MTMR7: variants seen among roughly 807,000 people sequenced by gnomAD.
MTMR7 encodes myotubularin related protein 7.
MTMR7 carries 76 observed loss-of-function variants against 81.2 expected under a neutral mutation model. The observed-to-expected ratio is 0.94, with a 90% CI of 0.78 to 1.13. The LOEUF is 1.13. MTMR7 is among the 50% of genes most tolerant of loss of function. The probability of loss-of-function intolerance (pLI) is 0.00; values close to 1 mark genes in which losing one functional copy is unlikely to be tolerated. For synonymous variants in MTMR7, 372 were observed against 289.8 expected (o/e 1.28, Z -2.88); for missense variants, 1,044 against 820.0 (o/e 1.27, Z -3.34).
At chr8:17,331,824 A>C (rs545116836) in intron 6 of MTMR7, among the ~76,000 whole-genome samples, 1 of 152,320 alleles carries the variant, frequency 6.6e-6, no homozygotes, top group African/African-American at 2.4e-5. Context: ...AATAAAATGA[A>C]GAGAGGGAAT....
At chr8:17,393,326 G>A (rs1015415769) in intron 1 of MTMR7, among the ~76,000 whole-genome samples, 5 of 152,004 alleles carry the variant, frequency 3.3e-5, no homozygotes, top group African/African-American at 1.2e-4. Context: ...CCTTGGATTA[G>A]GTAATTTCTT....
At chr8:17,391,565 G>A (rs888710374) in intron 1 of MTMR7, among the ~76,000 whole-genome samples, 2 of 152,064 alleles carry the variant, frequency 1.3e-5, no homozygotes, top group Middle Eastern at 3.2e-3. Flanking sequence ...CATCAATAGG[G>A]TCTTTAAATG....
chr8:17,298,761 C>A lies in MTMR7; in HGVS notation c.*1101G>T, dbSNP rs1816905547. 6.6e-6 allele frequency: 1 copy of A among 152,524 alleles called. No homozygotes were observed. Among genetic ancestry groups the A allele is most frequent in the African/African-American group, 2.4e-5 (1 of 41,420 alleles). 9.4% of individuals were successfully genotyped at this position (152,524 alleles called of 1,614,324 possible). A position where few individuals can be genotyped will look rare whatever the true frequency, so the allele number is the denominator to read the frequency against. ...TTTAATTTAGGTCACCTAGTGAAGT[C>A]TTTTTTAACTCATAAGATAGGGGAG... On this transcript the variant is annotated 3_prime_UTR_variant, in exon 14 of 14. Transcript: ENST00000180173.
intron 9 of MTMR7, among the ~76,000 whole-genome samples, chr8:17,310,716 C>G (rs986584443): frequency 2.0e-5 from 3 of 152,112 alleles, no homozygotes; most frequent in Non-Finnish European, 4.4e-5. Flanking sequence ...CGCTCTTGTC[C>G]GAGGGTGTTG....
chr8:17,331,941 G>A (rs1287001303), intron 6 of MTMR7, among the ~76,000 whole-genome samples: 1 of 152,142 alleles, frequency 6.6e-6, no homozygotes, highest in Non-Finnish European at 1.5e-5. Context: ...ATGAGAAGTT[G>A]GGGTCTCCAA....
intron 1 of MTMR7, among the ~76,000 whole-genome samples, chr8:17,389,806 A>G (rs1408594627): frequency 6.6e-6 from 1 of 152,204 alleles, no homozygotes; most frequent in African/African-American, 2.4e-5. Context: ...GTAGGGCCAT[A>G]TAACTAAAAT....
intron 7 of MTMR7, among the ~76,000 whole-genome samples, chr8:17,318,891 C>T (rs1818240980): frequency 6.6e-6 from 1 of 152,164 alleles, no homozygotes; most frequent in Non-Finnish European, 1.5e-5. Context: ...CTCTTCCAGG[C>T]ACCCAGCCCT....
chr8:17,386,832 C>A (rs1858710), intron 1 of MTMR7, among the ~76,000 whole-genome samples: 61,066 of 152,052 alleles, frequency 0.4, 13,198 homozygotes, highest in Admixed American at 0.56. Context: ...GTACGCCACA[C>A]ACCAAAAAAA....
At position 17,405,705 on chromosome 8, in the gene MTMR7, C is replaced by A. The variant is rs530467759; in HGVS notation, c.24+7564G>T. 3.8e-4 allele frequency among the ~76,000 whole-genome samples: 57 copies of A among 151,936 alleles called. 1 individual carries two copies. The highest frequency in any genetic ancestry group is 1.2e-3 in the African/African-American group (50 of 41,430). ...GGCCATGGAGAATTGCCTCCAGACA[C>A]TAAATAATGTATGGTCATCATCATA... On this transcript the variant is annotated intron_variant, in intron 1 of 13. Coordinates refer to ENST00000180173, the MANE Select transcript of MTMR7 (RefSeq NM_004686.5).
chr8:17,369,581 T>A (rs1051746122), intron 3 of MTMR7, among the ~76,000 whole-genome samples: 41 of 151,966 alleles, frequency 2.7e-4, no homozygotes, highest in African/African-American at 9.9e-4. Flanking sequence ...ATATAAATGA[T>A]CTCTTTTCAC....
intron 1 of MTMR7, among the ~76,000 whole-genome samples, chr8:17,392,681 A>G (rs1821140013): frequency 6.6e-6 from 1 of 152,220 alleles, no homozygotes; most frequent in African/African-American, 2.4e-5. Context: ...TTTATTAAAG[A>G]ACAATATGCT....
intron 4 of MTMR7, among the ~76,000 whole-genome samples, chr8:17,358,666 C>A (rs1819969594): frequency 1.3e-5 from 2 of 152,082 alleles, no homozygotes; most frequent in African/African-American, 4.8e-5. Context: ...AGGCCATGTG[C>A]ACTGAATGCA....
chr8:17,399,429 A>C (rs1233770177), intron 1 of MTMR7, among the ~76,000 whole-genome samples: 2 of 152,172 alleles, frequency 1.3e-5, no homozygotes, highest in Non-Finnish European at 2.9e-5. Context: ...TAACTTAAGT[A>C]AAAGATCTAT....
intron 6 of MTMR7, chr8:17,338,676 A>C (rs1819321524): frequency 6.6e-6 from 1 of 152,214 alleles, no homozygotes; most frequent in Admixed American, 6.5e-5. Context: ...GAGAACAGTA[A>C]AAGCCAGAGA....
At chr8:17,412,678 G>C (rs1312871724) in intron 1 of MTMR7, among the ~76,000 whole-genome samples, 1 of 152,138 alleles carries the variant, frequency 6.6e-6, no homozygotes, top group Non-Finnish European at 1.5e-5. Flanking sequence ...GAACAAAACG[G>C]ACTGGAAAAG....
intron 3 of MTMR7, among the ~76,000 whole-genome samples, chr8:17,363,539 AGCAGATCACT>A (rs1820121328): frequency 6.6e-6 from 1 of 152,226 alleles, no homozygotes; most frequent in Non-Finnish European, 1.5e-5. Flanking sequence ...ACAGACATTA[AGCAGATCACT>A]GTTGAACTAG....
rs1436192616 is a variant in MTMR7, at chr8:17,361,102, G to A, written c.468+15C>T. 1.2e-6 allele frequency: 2 copies of A among 1,613,734 alleles called. No homozygotes were observed. The highest frequency in any genetic ancestry group is 1.1e-5 in the South Asian group (1 of 91,076). ...AATTTCATGCGGCTTCAGTGTTTGGGTTTCACGCACTCACTCTGTAGTCTC... is the reference window on the plus strand; with the variant it reads ...AATTTCATGCGGCTTCAGTGTTTGGATTTCACGCACTCACTCTGTAGTCTC... On this transcript the variant is annotated intron_variant, in intron 4 of 13. Coordinates refer to ENST00000180173, the MANE Select transcript of MTMR7 (RefSeq NM_004686.5).
chr8:17,306,477 T>G (rs1563317287), intron 10 of MTMR7, among the ~76,000 whole-genome samples: 1 of 152,188 alleles, frequency 6.6e-6, no homozygotes, highest in Non-Finnish European at 1.5e-5. Context: ...TATTTCCATG[T>G]GACGACAGAT....
chr8:17,334,383 T>C (rs898204074), intron 6 of MTMR7, among the ~76,000 whole-genome samples: 3 of 152,192 alleles, frequency 2.0e-5, no homozygotes, highest in African/African-American at 7.2e-5. Flanking sequence ...CTCTGTCCCT[T>C]TGACTGAGAA....
Sources: allele counts gnomAD v4.1 joint callset (sites outside exome capture counted in the v4.1 genomes callset), GRCh38; gene constraint gnomAD v4.1.1; transcripts MANE v1.5; gene names NCBI Gene and HGNC (gene_info 2026-07-23, HGNC 2026-07-21).